The following EYA2 variants were observed in gnomAD, a reference collection of about 807,000 sequenced individuals.
The protein encoded by EYA2 is EYA transcriptional coactivator and phosphatase 2, also known as protein phosphatase EYA2.
A neutral mutation model predicts 69.2 loss-of-function variants in EYA2; 31 were observed. The observed-to-expected ratio is 0.45, with a 90% CI of 0.34 to 0.60. EYA2 has a LOEUF of 0.60. EYA2 is among the 20% of genes least tolerant of loss of function. The pLI, the probability that EYA2 is intolerant of heterozygous loss-of-function variation, is 0.02. For synonymous variants in EYA2, 257 were observed against 279.4 expected, an observed-to-expected ratio of 0.92 and a Z score of 0.80; for missense variants, 622 against 701.2, an observed-to-expected ratio of 0.89 and a Z score of 1.28.
chr20:46,971,379 A>C (rs1980135614), intron 1 of EYA2, among the ~76,000 whole-genome samples: 1 of 152,198 alleles, frequency 6.6e-6, no homozygotes, highest in African/African-American at 2.4e-5. Context: ...ATGGCACTCC[A>C]TCACATGACG....
intron 5 of EYA2, among the ~76,000 whole-genome samples, chr20:47,069,310 A>G (rs1339678574): frequency 1.3e-5 from 2 of 152,172 alleles, no homozygotes; most frequent in Non-Finnish European, 2.9e-5. Context: ...CCTGGCCAAC[A>G]TAGTAAAACC....
At chr20:47,157,317 G>C (rs1301051602) in intron 10 of EYA2, among the ~76,000 whole-genome samples, 2 of 123,396 alleles carry the variant, frequency 1.6e-5, no homozygotes, top group Non-Finnish European at 3.1e-5. Flanking sequence ...TTGCACAACT[G>C]CACTCCAGCC....
chr20:47,045,053 T>C (rs1454828976), intron 5 of EYA2, among the ~76,000 whole-genome samples: 1 of 152,218 alleles, frequency 6.6e-6, no homozygotes, highest in Admixed American at 6.5e-5. Context: ...TGGTGATTGC[T>C]GTGTAACAAA....
At chr20:47,175,214 C>T (rs141695479) in intron 12 of EYA2, among the ~76,000 whole-genome samples, 2 of 152,340 alleles carry the variant, frequency 1.3e-5, no homozygotes, top group East Asian at 1.9e-4. Flanking sequence ...GGTGCATGGC[C>T]GTGGCTTCCA....
intron 7 of EYA2, among the ~76,000 whole-genome samples, chr20:47,082,930 G>A (rs866833771): frequency 1.3e-5 from 2 of 151,918 alleles, no homozygotes; most frequent in African/African-American, 4.9e-5. Flanking sequence ...GCCGTGGCTC[G>A]TGCTTGTAAT....
intron 4 of EYA2, among the ~76,000 whole-genome samples, chr20:47,007,859 C>G (rs1215476568): frequency 6.6e-6 from 1 of 151,972 alleles, no homozygotes; most frequent in African/African-American, 2.4e-5. Context: ...AACTTCTTAC[C>G]TCAAGCAATC....
At chr20:46,972,335 T>TC (rs144480973) in intron 1 of EYA2, among the ~76,000 whole-genome samples, 6,619 of 152,328 alleles carry the variant, frequency 0.043, 507 homozygotes, top group African/African-American at 0.15. Context: ...TATTAATTAC[T>TC]CCAAGTCATT....
At chr20:47,150,911 G>A (rs755508045) in intron 10 of EYA2, among the ~76,000 whole-genome samples, 3 of 152,020 alleles carry the variant, frequency 2.0e-5, no homozygotes, top group Non-Finnish European at 4.4e-5. Flanking sequence ...GGGAAATGTA[G>A]TCTTTATTCT....
intron 10 of EYA2, among the ~76,000 whole-genome samples, chr20:47,143,928 G>C (rs983394318): frequency 2.0e-5 from 3 of 152,192 alleles, no homozygotes; most frequent in Non-Finnish European, 4.4e-5. Context: ...GAAATACAAT[G>C]AGTTACTTCT....
intron 11 of EYA2, among the ~76,000 whole-genome samples, chr20:47,169,821 C>G (rs1474558776): frequency 6.6e-6 from 1 of 152,152 alleles, no homozygotes; most frequent in Admixed American, 6.5e-5. Flanking sequence ...GTTTCACGTG[C>G]TTCTCCTCCT....
intron 1 of EYA2, among the ~76,000 whole-genome samples, chr20:46,958,848 C>T (rs766111311): frequency 3.9e-5 from 6 of 152,190 alleles, no homozygotes; most frequent in Non-Finnish European, 7.3e-5. Context: ...CAAGCTCCAT[C>T]CATGTCCCTG....
chr20:46,948,677 G>A (rs191368991), intron 1 of EYA2, among the ~76,000 whole-genome samples: 6 of 152,198 alleles, frequency 3.9e-5, no homozygotes, highest in South Asian at 2.1e-4. Context: ...TGTTTCTCTC[G>A]TAAGGTTGCC....
intron 1 of EYA2, among the ~76,000 whole-genome samples, chr20:46,926,309 G>A (rs1985410143): frequency 6.6e-6 from 1 of 152,178 alleles, no homozygotes; most frequent in Non-Finnish European, 1.5e-5. Flanking sequence ...CAATTATGGA[G>A]GCTGAGAAAT....
chr20:47,129,242 T>TATAA (rs949167335), intron 9 of EYA2, among the ~76,000 whole-genome samples: 13 of 152,148 alleles, frequency 8.5e-5, no homozygotes, highest in Non-Finnish European at 1.9e-4. Flanking sequence ...CACAAAAAAT[T>TATAA]ATAAATAAAT....
At chr20:47,163,420 C>T (rs1189357777) in intron 10 of EYA2, among the ~76,000 whole-genome samples, 1 of 152,122 alleles carries the variant, frequency 6.6e-6, no homozygotes, top group Non-Finnish European at 1.5e-5. Context: ...ACCTCCTTGG[C>T]TTGGGACGTG....
intron 8 of EYA2, among the ~76,000 whole-genome samples, chr20:47,092,128 C>G (rs1462702487): frequency 3.3e-5 from 5 of 152,178 alleles, no homozygotes; most frequent in Non-Finnish European, 1.5e-5. Flanking sequence ...CCAGTGGTCC[C>G]TAGTTCACCT....
At chr20:47,167,226 G>A (rs149159585) in intron 10 of EYA2, among the ~76,000 whole-genome samples, 11 of 151,274 alleles carry the variant, frequency 7.3e-5, no homozygotes, top group African/African-American at 2.7e-4. Context: ...CAACACACAC[G>A]TGTCCTCTTA....
chr20:47,183,497 G>C lies in EYA2; in HGVS notation c.1536+106G>C, dbSNP rs1046153021. 91 of 947,086 alleles carry C rather than the reference G, an allele frequency of 9.6e-5. 2 individuals are homozygous for C. In the South Asian group the frequency reaches 1.5e-3, roughly 15 times the overall value. The allele number at this position is 947,086 out of a possible 1,614,324, so 58.7% of individuals were successfully genotyped here. The stretch of plus-strand genomic sequence containing the variant: ...TCCTCCACTCCCCGTGGCTGGCTGG[G>C]TCCTCCTTCCCAGGCTCCTTGCTTG... On this transcript the variant is annotated intron_variant, in intron 15 of 15. Transcript: ENST00000327619.
In EYA2 at chr20:47,188,039, G is replaced by A. The variant is rs1004998454; in HGVS notation, c.1537-14G>A. ...GCGGGGCCATAACCTTGTGGCTGGT[G>A]TTCTGTGTTTCAGCACAACATGCCT... On this transcript the variant is annotated splice_polypyrimidine_tract_variant and intron_variant, in intron 15 of 15. Coordinates refer to ENST00000327619, the MANE Select transcript of EYA2 (RefSeq NM_005244.5). The A allele has an allele frequency of 6.4e-6, 10 of 1,556,682 alleles. No individual in the cohort carries two copies. Among genetic ancestry groups the A allele is most frequent in the Middle Eastern group, 1.7e-4 (1 of 5,986 alleles).
Sources: gnomAD v4.1 joint callset for allele counts (sites outside exome capture counted in the v4.1 genomes callset) on GRCh38, gnomAD v4.1.1 for gene constraint, MANE v1.5 for transcripts, NCBI Gene and HGNC (gene_info 2026-07-23, HGNC 2026-07-21) for gene names.